SHTN1: variants seen among roughly 807,000 people sequenced by gnomAD.
SHTN1 encodes shootin 1.
SHTN1 carries 42 observed loss-of-function variants against 83.1 expected under a neutral mutation model. The ratio of observed to expected loss-of-function variants is 0.51; its 90% CI spans 0.39 to 0.65. The LOEUF (loss-of-function observed/expected upper bound fraction) is 0.65, where lower values mean the gene tolerates loss of function less well. Ranked by LOEUF, SHTN1 falls within the 30% of genes least tolerant of loss-of-function variation. SHTN1 has a pLI of 0.00. For missense variants in SHTN1, 622 were observed against 737.8 expected (o/e 0.84, Z 1.82); for synonymous variants, 224 against 247.7 (o/e 0.90, Z 0.90).
At chr10:116,888,809 G>A (rs1229061183) in intron 16 of SHTN1, among the ~76,000 whole-genome samples, 1 of 152,228 alleles carries the variant, frequency 6.6e-6, no homozygotes, top group African/African-American at 2.4e-5. Flanking sequence ...ATTTTTTTAA[G>A]ACAACTACTT....
At position 116,951,975 on chromosome 10, in the gene SHTN1, C is replaced by T. The variant is rs1208950411; in HGVS notation, c.468G>A (p.Glu156=). ...ELRDQIVSVQ[E]EKKILAIELE... is the part of the protein sequence containing the mutation. ...GCTCAATGGCTAAAATCTTCTTTTCCTCCTGAACAGATACAATTTGATCTC... is the reference window on the plus strand; with the variant it reads ...GCTCAATGGCTAAAATCTTCTTTTCTTCCTGAACAGATACAATTTGATCTC... The change falls in exon 6 of 17, where the codon GAG becomes GAA. Residue 156 remains glutamate (E), a synonymous_variant. Transcript: ENST00000355371. 3 of 1,576,418 alleles carry T rather than the reference C, an allele frequency of 1.9e-6. No individual in the cohort carries two copies. Among genetic ancestry groups the T allele is most frequent in the Admixed American group, 1.7e-5 (1 of 58,522 alleles).
chr10:116,899,528 TGTGTGTGTGTGTGTGTGTGAGA>T (rs1431484162), intron 16 of SHTN1, among the ~76,000 whole-genome samples: 5 of 86,528 alleles, frequency 5.8e-5, no homozygotes, highest in Non-Finnish European at 1.6e-4. Context: ...TGTGTGTGTG[TGTGTGTGTGTGTGTGTGTGAGA>T]GAGTGCATGC....
At chr10:117,101,538 G>A (rs889936993) in intron 1 of SHTN1, among the ~76,000 whole-genome samples, 6 of 152,136 alleles carry the variant, frequency 3.9e-5, no homozygotes, top group Admixed American at 1.3e-4. Flanking sequence ...TTAATTCTGA[G>A]AAAATAAGAG....
chr10:117,047,322 C>T lies in SHTN1; in HGVS notation c.-123+1123G>A, dbSNP rs186148878. Among the ~76,000 whole-genome samples the T allele has an allele frequency of 3.7e-3, 563 of 152,272 alleles. 4 individuals are homozygous for T. Among genetic ancestry groups the T allele is most frequent in the African/African-American group, 0.013 (532 of 41,542 alleles). ...CCTCGTGATCCACCCGCCTCAGCCT[C>T]CCAAAGTGCTGGGATTACAGGCGTG... On this transcript the variant is annotated intron_variant, in intron 2 of 17. Coordinates refer to the SHTN1 transcript ENST00000392901.
At chr10:117,005,286 C>CAGGCGGGGCG (rs1851977819), upstream of SHTN1, 2 of 1,426,514 alleles carry the variant, frequency 1.4e-6, no homozygotes, top group East Asian at 2.6e-5. Context: ...GCTTCACCTG[C>CAGGCGGGGCG]AGGCGGGGCG....
chr10:117,005,116 G>T lies in SHTN1; in HGVS notation c.-37C>A, dbSNP rs1415827842. 6.4e-7 allele frequency: 1 copy of T among 1,573,294 alleles called. No homozygotes were observed. Among genetic ancestry groups the T allele is most frequent in the South Asian group, 1.2e-5 (1 of 85,922 alleles). On this transcript the variant is annotated 5_prime_UTR_variant, in exon 1 of 17. Coordinates refer to ENST00000355371, the MANE Select transcript of SHTN1 (RefSeq NM_001127211.3). ...GGGCCGGGAATAAAAGGGAAAGAGGGAGCGGCGCGGGGCACACAGGAGGAG... is the reference window on the plus strand; with the variant it reads ...GGGCCGGGAATAAAAGGGAAAGAGGTAGCGGCGCGGGGCACACAGGAGGAG...
At chr10:116,901,249 A>G (rs1452804516) in intron 16 of SHTN1, 1 of 985,190 alleles carries the variant, frequency 1.0e-6, no homozygotes, top group Admixed American at 6.1e-5. Context: ...TTTGACAATC[A>G]AAGTGCCACT....
In SHTN1 at chr10:117,047,772, A is replaced by AG. The variant is rs398114816; in HGVS notation, c.-123+672dup. 6.5e-3 allele frequency among the ~76,000 whole-genome samples: 973 copies of AG among 150,202 alleles called. 3 individuals carry two copies. Among genetic ancestry groups the AG allele is most frequent in the Non-Finnish European group, 0.011 (709 of 67,370 alleles). Reference sequence around the variant, plus strand: ...TACATAAAGACCAAAAAAAAAAAAAAGTCTCTCTTTTTTTTTGTATTTTTA... The same window carrying AG: ...TACATAAAGACCAAAAAAAAAAAAAAGGTCTCTCTTTTTTTTTGTATTTTTA... On this transcript the variant is annotated intron_variant, in intron 2 of 17. Transcript: ENST00000392901.
intron 1 of SHTN1, among the ~76,000 whole-genome samples, chr10:117,001,807 A>C (rs1002478742): frequency 2.0e-5 from 3 of 152,204 alleles, no homozygotes; most frequent in African/African-American, 7.2e-5. Flanking sequence ...CCCTGACTTG[A>C]TCATTATGCA....
intron 10 of SHTN1, among the ~76,000 whole-genome samples, chr10:116,929,237 C>A (rs185040521): frequency 6.6e-6 from 1 of 152,152 alleles, no homozygotes; most frequent in African/African-American, 2.4e-5. Context: ...CAGAGACTTA[C>A]ACATATGCCC....
intron 1 of SHTN1, among the ~76,000 whole-genome samples, chr10:116,990,333 G>A (rs1178831865): frequency 8.2e-6 from 1 of 121,970 alleles, no homozygotes; most frequent in African/African-American, 3.3e-5. Context: ...AAGGAAAATC[G>A]TAAGAAGATT....
At chr10:116,986,622 C>A (rs982106923) in intron 1 of SHTN1, among the ~76,000 whole-genome samples, 2 of 151,756 alleles carry the variant, frequency 1.3e-5, no homozygotes, top group Admixed American at 1.3e-4. Context: ...AGTGGCTCAA[C>A]CTGTAATCTA....
At chr10:117,001,383 GTAAGTATAAA>G (rs1851817897) in intron 1 of SHTN1, among the ~76,000 whole-genome samples, 1 of 152,114 alleles carries the variant, frequency 6.6e-6, no homozygotes, top group African/African-American at 2.4e-5. Context: ...TTAGGGAATG[GTAAGTATAAA>G]TTAGAGATTG....
intron 16 of SHTN1, chr10:116,901,060 T>C: frequency 1.0e-6 from 1 of 985,428 alleles, no homozygotes; most frequent in Non-Finnish European, 1.2e-6. Flanking sequence ...ATTACAATAT[T>C]CGGCTGATCT....
chr10:116,964,061 C>T (rs1353380723), intron 3 of SHTN1, among the ~76,000 whole-genome samples: 2 of 151,700 alleles, frequency 1.3e-5, no homozygotes, highest in African/African-American at 4.8e-5. Context: ...TTCTCTTGCA[C>T]CTAGCACAAT....
At chr10:117,113,824 T>G (rs1162486585) in intron 1 of SHTN1, among the ~76,000 whole-genome samples, 1 of 152,108 alleles carries the variant, frequency 6.6e-6, no homozygotes, top group African/African-American at 2.4e-5. Context: ...GGCAGGTGGA[T>G]CATCTGAGGT....
chr10:116,995,643 T>C (rs1295802895), intron 1 of SHTN1, among the ~76,000 whole-genome samples: 1 of 152,160 alleles, frequency 6.6e-6, no homozygotes, highest in Non-Finnish European at 1.5e-5. Flanking sequence ...TCAGGAAGAA[T>C]CCGTTCTTCT....
At chr10:117,112,744 T>C (rs904098773) in intron 1 of SHTN1, among the ~76,000 whole-genome samples, 7 of 152,200 alleles carry the variant, frequency 4.6e-5, no homozygotes, top group Non-Finnish European at 8.8e-5. Flanking sequence ...AATTAAAATT[T>C]CTCTTCCTAA....
intron 2 of SHTN1, chr10:116,973,964 T>C: frequency 8.1e-7 from 1 of 1,230,578 alleles, no homozygotes; most frequent in South Asian, 1.4e-5. Context: ...CTGTGCTTTC[T>C]GGATTTCTAC....
Sources: allele counts gnomAD v4.1 joint callset (sites outside exome capture counted in the v4.1 genomes callset), GRCh38; gene constraint gnomAD v4.1.1; transcripts MANE v1.5; gene names NCBI Gene and HGNC (gene_info 2026-07-23, HGNC 2026-07-21).